PCDHA13: variants seen among roughly 807,000 people sequenced by gnomAD.
The protein encoded by PCDHA13 is protocadherin alpha-13.
In PCDHA13, 54 loss-of-function variants were observed where a neutral mutation model predicts 64.8. That is an observed-to-expected ratio of 0.83 (90% CI 0.67 to 1.04). The LOEUF (loss-of-function observed/expected upper bound fraction) is 1.04, where lower values mean the gene tolerates loss of function less well. PCDHA13 is among the 50% of genes least tolerant of loss of function. PCDHA13 has a pLI of 0.00. For synonymous variants in PCDHA13, 587 were observed against 564.4 expected (o/e 1.04, Z -0.57); for missense variants, 1,248 against 1,254.3 (o/e 0.99, Z 0.08).
chr5:140,979,604 A>T (rs1326370777), intron 2 of PCDHA13, among the ~76,000 whole-genome samples: 1 of 152,204 alleles, frequency 6.6e-6, no homozygotes, highest in African/African-American at 2.4e-5. Context: ...AAATTAACCT[A>T]GAGTAACGGT....
At chr5:140,941,211 C>CTT (rs59928198) in intron 1 of PCDHA13, among the ~76,000 whole-genome samples, 19 of 129,722 alleles carry the variant, frequency 1.5e-4, no homozygotes, top group African/African-American at 5.2e-4. Flanking sequence ...TCCTTTCTTT[C>CTT]TTCCTTTCTT....
intron 1 of PCDHA13, among the ~76,000 whole-genome samples, chr5:140,944,651 C>T (rs1554216459): frequency 6.6e-6 from 1 of 152,152 alleles, no homozygotes; most frequent in Non-Finnish European, 1.5e-5. Context: ...ATTGGGAGTC[C>T]ATACCCCTTA....
chr5:140,892,498 T>G (rs937078713), intron 1 of PCDHA13, among the ~76,000 whole-genome samples: 3 of 152,232 alleles, frequency 2.0e-5, no homozygotes, highest in Non-Finnish European at 4.4e-5. Flanking sequence ...AGAGATTGTT[T>G]AAGAAGTTCC....
chr5:140,937,717 C>G (rs868958316), intron 1 of PCDHA13, among the ~76,000 whole-genome samples: 34 of 151,858 alleles, frequency 2.2e-4, no homozygotes, highest in African/African-American at 8.2e-4. Flanking sequence ...TCAAGACCAT[C>G]CTGGCTAACA....
chr5:140,918,072 T>C (rs1271495774), intron 1 of PCDHA13, among the ~76,000 whole-genome samples: 1 of 152,142 alleles, frequency 6.6e-6, no homozygotes, highest in Non-Finnish European at 1.5e-5. Flanking sequence ...TTTCTTTCAG[T>C]AGTGTTTTAT....
chr5:140,972,987 T>C (rs2096567014), intron 1 of PCDHA13, among the ~76,000 whole-genome samples: 1 of 152,044 alleles, frequency 6.6e-6, no homozygotes, highest in Admixed American at 6.6e-5. Flanking sequence ...TAAGGTAGAT[T>C]CTGTGCATTT....
At chr5:141,008,108 T>C (rs2098361480) in intron 3 of PCDHA13, among the ~76,000 whole-genome samples, 1 of 152,138 alleles carries the variant, frequency 6.6e-6, no homozygotes, top group Non-Finnish European at 1.5e-5. Flanking sequence ...CTCATGAGAA[T>C]AAGTGTTTCA....
At chr5:140,912,243 AATCTCCTTTGATGAC>A (rs2075829981) in intron 1 of PCDHA13, among the ~76,000 whole-genome samples, 1 of 152,012 alleles carries the variant, frequency 6.6e-6, no homozygotes, top group Admixed American at 6.6e-5. Context: ...CTCAAATGTT[AATCTCCTTTGATGAC>A]ACCCTCACAG....
At chr5:140,906,162 G>A (rs1421474866) in intron 1 of PCDHA13, among the ~76,000 whole-genome samples, 1 of 152,064 alleles carries the variant, frequency 6.6e-6, no homozygotes, top group Non-Finnish European at 1.5e-5. Flanking sequence ...GACACACCCA[G>A]GAACAATACT....
rs199809889 is a variant in PCDHA13, at chr5:140,883,348, A to C, written c.1080A>C (p.Arg360Ser). The change falls in exon 1 of 4, where the codon AGA becomes AGC. Residue 360 changes from arginine to serine, a missense_variant. Physicochemically the swap from Arg to Ser is moderately radical, Grantham distance 110. Transcript: ENST00000289272. ...TCACTTCTTTGTCACTCCCCATCAGAGAAGACACTCAGCCTAGCGCCATTA... is the reference window on the plus strand; with the variant it reads ...TCACTTCTTTGTCACTCCCCATCAGCGAAGACACTCAGCCTAGCGCCATTA... ...VTITSLSLPI[R>S]EDTQPSAIIA... The C allele has an allele frequency of 1.9e-6, 3 of 1,614,172 alleles. No homozygotes were observed. In the African/African-American group the frequency reaches 4.0e-5, roughly 22 times the overall value.
At chr5:140,894,363 C>T (rs971503382) in intron 1 of PCDHA13, among the ~76,000 whole-genome samples, 1 of 151,968 alleles carries the variant, frequency 6.6e-6, no homozygotes, top group Admixed American at 6.5e-5. Context: ...ATTTCTTCTT[C>T]AATGGCTCCA....
chr5:140,991,534 T>C (rs1393603513), intron 3 of PCDHA13, among the ~76,000 whole-genome samples: 1 of 152,236 alleles, frequency 6.6e-6, no homozygotes, highest in African/African-American at 2.4e-5. Context: ...CTTGCCACTA[T>C]ATAACAAGGA....
chr5:140,978,836 A>G (rs891146888), intron 1 of PCDHA13, 113 bp from the exon 2 acceptor site: 1 of 1,552,522 alleles, frequency 6.4e-7, no homozygotes, highest in Non-Finnish European at 8.7e-7. Context: ...GGCTCATTCA[A>G]TACTTTTTTA....
At chr5:140,966,695 CGGGCGTGGGGCACGGCT>C (rs2096039584) in intron 1 of PCDHA13, 1 of 1,358,374 alleles carries the variant, frequency 7.4e-7, no homozygotes. Flanking sequence ...AGGCGGGGCC[CGGGCGTGGGGCACGGCT>C]GGGGAAGCTG....
rs138893413 is a variant in PCDHA13, at chr5:140,976,899, T to C, written c.2395-2050T>C. Among the ~76,000 whole-genome samples, 191 of 152,340 alleles carry C rather than the reference T, an allele frequency of 1.3e-3. 1 individual carries two copies. The highest frequency in any genetic ancestry group is 4.3e-3 in the African/African-American group (179 of 41,576). ...AAGAATTAGGATACATGCAACAGTA[T>C]GTAATAAAGTGCAAAATCTAGTACT... On this transcript the variant is annotated intron_variant, in intron 1 of 3. Transcript: ENST00000289272.
chr5:140,920,403 T>A (rs1440027208), intron 1 of PCDHA13, among the ~76,000 whole-genome samples: 3 of 152,356 alleles, frequency 2.0e-5, no homozygotes, highest in South Asian at 2.1e-4. Context: ...TGTCTTTTTT[T>A]AATCAGATAC....
chr5:140,893,863 A>G (rs568224949), intron 1 of PCDHA13, among the ~76,000 whole-genome samples: 1 of 152,300 alleles, frequency 6.6e-6, no homozygotes, highest in African/African-American at 2.4e-5. Context: ...GTATAGAAAC[A>G]ACCCAGATCC....
chr5:140,918,579 G>A (rs1396239560), intron 1 of PCDHA13, among the ~76,000 whole-genome samples: 1 of 152,112 alleles, frequency 6.6e-6, no homozygotes, highest in Admixed American at 6.5e-5. Flanking sequence ...GCTGCTATTG[G>A]CTATATGTTC....
chr5:140,953,564 GC>G (rs543933826), intron 1 of PCDHA13, among the ~76,000 whole-genome samples: 356 of 152,176 alleles, frequency 2.3e-3, no homozygotes, highest in African/African-American at 7.9e-3. Context: ...AAGTTTTAGT[GC>G]CCTCCTCTCC....
Sources: allele counts gnomAD v4.1 joint callset (sites outside exome capture counted in the v4.1 genomes callset), GRCh38; gene constraint gnomAD v4.1.1; transcripts MANE v1.5; gene names NCBI Gene and HGNC (gene_info 2026-07-23, HGNC 2026-07-21).